FHIT: variants seen among roughly 807,000 people sequenced by gnomAD.
The protein encoded by FHIT is bis(5'-adenosyl)-triphosphatase.
A neutral mutation model predicts 17.9 loss-of-function variants in FHIT; 19 were observed. That is an observed-to-expected ratio of 1.06 (90% CI 0.74 to 1.56). The LOEUF (loss-of-function observed/expected upper bound fraction) is 1.56, where lower values mean the gene tolerates loss of function less well. Ranked by LOEUF, FHIT falls within the 40% of genes most tolerant of loss-of-function variation. The pLI is 0.00. For synonymous variants in FHIT, 81 were observed against 69.7 expected, an observed-to-expected ratio of 1.16 and a Z score of -0.81; for missense variants, 248 against 189.2, an observed-to-expected ratio of 1.31 and a Z score of -1.82.
intron 7 of FHIT, among the ~76,000 whole-genome samples, chr3:59,923,255 C>T (rs1369949666): frequency 1.4e-5 from 2 of 140,624 alleles, no homozygotes; most frequent in Non-Finnish European, 3.0e-5. Flanking sequence ...AAAAAAAATC[C>T]CGTGAGGCAA....
At chr3:59,892,960 A>C (rs1703917763) in intron 8 of FHIT, among the ~76,000 whole-genome samples, 1 of 152,228 alleles carries the variant, frequency 6.6e-6, no homozygotes, top group Non-Finnish European at 1.5e-5. Flanking sequence ...TTTAAATTAG[A>C]ATTTTAAGTG....
At chr3:61,205,912 G>A (rs1409986368) in intron 1 of FHIT, among the ~76,000 whole-genome samples, 3 of 148,278 alleles carry the variant, frequency 2.0e-5, no homozygotes, top group African/African-American at 7.5e-5. Context: ...GTCCTGAATG[G>A]TATTGCCTAG....
intron 1 of FHIT, among the ~76,000 whole-genome samples, chr3:61,213,662 G>C (rs963146711): frequency 1.3e-5 from 2 of 152,158 alleles, no homozygotes; most frequent in Non-Finnish European, 2.9e-5. Flanking sequence ...AGACCTAATA[G>C]ACATCTACAG....
intron 4 of FHIT, among the ~76,000 whole-genome samples, chr3:60,610,757 T>C (rs1363780351): frequency 6.6e-6 from 1 of 152,208 alleles, no homozygotes; most frequent in Non-Finnish European, 1.5e-5. Flanking sequence ...TGTAATTTAC[T>C]GGAAGCTCTC....
chr3:60,599,946 C>A (rs1553668206), intron 4 of FHIT, among the ~76,000 whole-genome samples: 1 of 152,110 alleles, frequency 6.6e-6, no homozygotes, highest in East Asian at 1.9e-4. Context: ...TTACTAGATG[C>A]CAGCAGCATC....
chr3:60,505,584 C>T (rs2034695307), intron 5 of FHIT, among the ~76,000 whole-genome samples: 1 of 152,148 alleles, frequency 6.6e-6, no homozygotes, highest in African/African-American at 2.4e-5. Flanking sequence ...ACCTTTGCTT[C>T]CCATCTGGAG....
chr3:60,421,435 G>C (rs1702461559), intron 5 of FHIT, among the ~76,000 whole-genome samples: 2 of 152,016 alleles, frequency 1.3e-5, no homozygotes, highest in South Asian at 2.1e-4. Flanking sequence ...GATGTTTTCA[G>C]ATCATTTCAG....
intron 8 of FHIT, among the ~76,000 whole-genome samples, chr3:59,787,284 A>G (rs1575493089): frequency 6.6e-6 from 1 of 152,288 alleles, no homozygotes; most frequent in East Asian, 1.9e-4. Context: ...ATGACAAATA[A>G]TGTTAAACTA....
At chr3:60,955,250 A>T (rs1709059654) in intron 3 of FHIT, among the ~76,000 whole-genome samples, 1 of 152,138 alleles carries the variant, frequency 6.6e-6, no homozygotes, top group Non-Finnish European at 1.5e-5. Flanking sequence ...CTACGGCCAC[A>T]TGCAACCACA....
At chr3:60,976,626 T>G (rs1447208157) in intron 3 of FHIT, among the ~76,000 whole-genome samples, 1 of 152,240 alleles carries the variant, frequency 6.6e-6, no homozygotes, top group African/African-American at 2.4e-5. Flanking sequence ...ACTGTTTCTG[T>G]GAAGAACATG....
In FHIT at chr3:61,012,460, A is replaced by G. The variant is rs182166970; in HGVS notation, c.-111+29587T>C. ...GGCATAAAACTGGCAAGAAGTTTTA[A>G]AAAATTCAATGACATAAAAATACCT... On this transcript the variant is annotated intron_variant, in intron 3 of 9. Coordinates refer to ENST00000492590, the MANE Select transcript of FHIT (RefSeq NM_002012.4). Among the ~76,000 whole-genome samples the G allele has an allele frequency of 5.9e-4, 90 of 152,270 alleles. 1 individual carries two copies. Among genetic ancestry groups the G allele is most frequent in the Admixed American group, 1.6e-3 (25 of 15,294 alleles).
intron 3 of FHIT, among the ~76,000 whole-genome samples, chr3:61,031,513 T>A (rs954285572): frequency 6.6e-6 from 1 of 152,214 alleles, no homozygotes; most frequent in Admixed American, 6.5e-5. Flanking sequence ...TTCAATTTTT[T>A]CTTTTTTACC....
At chr3:61,149,303 T>C (rs1270297931) in intron 2 of FHIT, among the ~76,000 whole-genome samples, 1 of 152,116 alleles carries the variant, frequency 6.6e-6, no homozygotes, top group Non-Finnish European at 1.5e-5. Context: ...CCTTCTGATA[T>C]GTTGCTAAGG....
At chr3:59,983,869 T>C (rs890253614) in intron 7 of FHIT, among the ~76,000 whole-genome samples, 1 of 152,074 alleles carries the variant, frequency 6.6e-6, no homozygotes, top group East Asian at 1.9e-4. Context: ...CCAAAGGGGA[T>C]TGAGTAACTA....
At chr3:60,966,585 T>C (rs1304295263) in intron 3 of FHIT, among the ~76,000 whole-genome samples, 1 of 152,182 alleles carries the variant, frequency 6.6e-6, no homozygotes, top group African/African-American at 2.4e-5. Context: ...ATGATGACTA[T>C]AAGGGAGGCT....
chr3:60,875,922 C>CGTGTGT (rs1553756368), intron 3 of FHIT, among the ~76,000 whole-genome samples: 3,095 of 61,194 alleles, frequency 0.051, 56 homozygotes, highest in Non-Finnish European at 0.073. Flanking sequence ...AAAACTTATT[C>CGTGTGT]ATGTGTGTGT....
At chr3:60,009,952 T>A (rs370659309) in intron 7 of FHIT, among the ~76,000 whole-genome samples, 2 of 152,244 alleles carry the variant, frequency 1.3e-5, no homozygotes, top group Non-Finnish European at 2.9e-5. Context: ...CTATGCTTAC[T>A]ATGCACCTAT....
intron 2 of FHIT, among the ~76,000 whole-genome samples, chr3:61,099,424 G>A (rs1384987808): frequency 1.3e-5 from 2 of 152,022 alleles, no homozygotes; most frequent in African/African-American, 4.8e-5. Flanking sequence ...GGATGCTGCT[G>A]GCCTCATAGA....
At chr3:59,843,809 G>T (rs1575578978) in intron 8 of FHIT, among the ~76,000 whole-genome samples, 1 of 151,468 alleles carries the variant, frequency 6.6e-6, no homozygotes, top group Non-Finnish European at 1.5e-5. Context: ...TTTTCTACAT[G>T]TAAGTTCATA....
Sources: gnomAD v4.1 joint callset for allele counts (sites outside exome capture counted in the v4.1 genomes callset) on GRCh38, gnomAD v4.1.1 for gene constraint, MANE v1.5 for transcripts, NCBI Gene and HGNC (gene_info 2026-07-23, HGNC 2026-07-21) for gene names.